Variants in WDFY4 observed in about 807,000 individuals in gnomAD.
WDFY4 encodes the protein WD repeat- and FYVE domain-containing protein 4.
In WDFY4, 169 loss-of-function variants were observed where a neutral mutation model predicts 351.9. That is an observed-to-expected ratio of 0.48 (90% confidence interval 0.42 to 0.55). The LOEUF is 0.55. Among genes scored for constraint, WDFY4 ranks in the 20% least tolerant of loss-of-function variants. The pLI is 0.00. For synonymous variants in WDFY4, 1,622 were observed against 1,574.6 expected (o/e 1.03, Z -0.71); for missense variants, 3,803 against 3,935.6 (o/e 0.97, Z 0.90).
At chr10:48,734,924 C>T (rs567720684) in intron 10 of WDFY4, among the ~76,000 whole-genome samples, 285 of 150,720 alleles carry the variant, frequency 1.9e-3, no homozygotes, top group African/African-American at 6.7e-3. Context: ...TACAGGCGCA[C>T]GCCGCCATGC....
chr10:48,832,556 T>C lies in WDFY4; in HGVS notation c.6527-17T>C. On this transcript the variant is annotated splice_polypyrimidine_tract_variant and intron_variant, in intron 38 of 61. Transcript: ENST00000325239. The stretch of plus-strand genomic sequence containing the variant: ...CTCTCACTTCACCTCTGACATTCTT[T>C]GCTTCCCTTCCCTCAGCATCTGAGA... 6.5e-7 allele frequency: 1 copy of C among 1,530,298 alleles called. No individual in the cohort carries two copies. The highest frequency in any genetic ancestry group is 2.0e-5 in the Admixed American group (1 of 49,140). 94.8% of individuals were successfully genotyped at this position (1,530,298 alleles called of 1,614,324 possible). A position where few individuals can be genotyped will look rare whatever the true frequency, so the allele number is the denominator to read the frequency against.
chr10:48,805,482 A>T, intron 26 of WDFY4, 61 bp downstream of exon 26: 1 of 1,516,436 alleles, frequency 6.6e-7, no homozygotes, highest in East Asian at 2.5e-5. Flanking sequence ...AAAAGGGAGG[A>T]CAGACCCCAG....
chr10:48,775,563 C>G (rs1453008393), intron 14 of WDFY4, 149 bp from the exon 15 acceptor site: 1 of 713,854 alleles, frequency 1.4e-6, no homozygotes, highest in Admixed American at 2.3e-5. Flanking sequence ...CAGAGACACC[C>G]TGTCTCCACA....
chr10:48,760,672 G>A (rs147048538), intron 13 of WDFY4, among the ~76,000 whole-genome samples: 24 of 152,300 alleles, frequency 1.6e-4, no homozygotes, highest in Non-Finnish European at 2.9e-4. Flanking sequence ...TGTTAACAAA[G>A]CTACCTTCTA....
chr10:48,747,786 C>A (rs1350541404), intron 12 of WDFY4, among the ~76,000 whole-genome samples: 1 of 152,038 alleles, frequency 6.6e-6, no homozygotes, highest in African/African-American at 2.4e-5. Flanking sequence ...ATAATTATTT[C>A]TTCTTGTGTT....
Position 48,736,244 on chromosome 10 carries a change from C to G in WDFY4, c.1878+174C>G, listed in dbSNP as rs756407867. On this transcript the variant is annotated intron_variant, in intron 11 of 61. Coordinates refer to ENST00000325239, the MANE Select transcript of WDFY4 (RefSeq NM_001394531.1). ...CAAATAAATCCCATATCCTCAGTAG[C>G]CTGGTACATTTGAAATTTCTTTGCA... 2.0e-5 allele frequency: 14 copies of G among 703,720 alleles called. No individual in the cohort carries two copies. In the South Asian group the frequency reaches 2.1e-4, roughly 10 times the overall value. The allele number at this position is 703,720 out of a possible 1,614,324, so 43.6% of individuals were successfully genotyped here.
At chr10:48,782,020 G>T (rs2132666396) in intron 19 of WDFY4, among the ~76,000 whole-genome samples, 1 of 152,304 alleles carries the variant, frequency 6.6e-6, no homozygotes, top group Non-Finnish European at 1.5e-5. Context: ...TTTTTAAAAG[G>T]GTTTAAAGAA....
chr10:48,950,573 C>T (rs1470577828), intron 51 of WDFY4, among the ~76,000 whole-genome samples: 1 of 152,150 alleles, frequency 6.6e-6, no homozygotes, highest in Non-Finnish European at 1.5e-5. Flanking sequence ...GGTCACATCC[C>T]TCAGGAAATG....
At chr10:48,902,020 C>G (rs1319122792) in intron 47 of WDFY4, among the ~76,000 whole-genome samples, 157 bp downstream of exon 47, 2 of 152,350 alleles carry the variant, frequency 1.3e-5, no homozygotes, top group East Asian at 3.9e-4. Context: ...TCATCCTACT[C>G]CTGAAATTCC....
intron 24 of WDFY4, among the ~76,000 whole-genome samples, chr10:48,801,085 C>T (rs546127781): frequency 9.0e-4 from 137 of 152,298 alleles, no homozygotes; most frequent in African/African-American, 3.2e-3. Flanking sequence ...GTACAGTCAT[C>T]TCAGGGGTGG....
chr10:48,940,525 G>T (rs537947363), intron 47 of WDFY4, among the ~76,000 whole-genome samples: 5 of 152,228 alleles, frequency 3.3e-5, no homozygotes, highest in Non-Finnish European at 7.3e-5. Context: ...CGGGCAGCCA[G>T]GCCTTGTCCA....
intron 47 of WDFY4, among the ~76,000 whole-genome samples, chr10:48,929,456 C>T (rs115578767): frequency 0.026 from 3,940 of 152,166 alleles, 94 homozygotes; most frequent in African/African-American, 0.053. Flanking sequence ...GGAAATAGCC[C>T]AGCATGGGAG....
chr10:48,744,718 T>C (rs1425629268), intron 12 of WDFY4, among the ~76,000 whole-genome samples: 2 of 152,226 alleles, frequency 1.3e-5, no homozygotes, highest in East Asian at 1.9e-4. Context: ...GAACCCGATG[T>C]TTTCTTGTGA....
intron 1 of WDFY4, among the ~76,000 whole-genome samples, chr10:48,708,243 G>C (rs768973198): frequency 6.6e-6 from 1 of 152,194 alleles, no homozygotes; most frequent in Non-Finnish European, 1.5e-5. Flanking sequence ...CTGGGGGAAG[G>C]CTGGGTTCTG....
intron 39 of WDFY4, among the ~76,000 whole-genome samples, chr10:48,865,682 A>G (rs1003644244): frequency 1.3e-5 from 2 of 152,192 alleles, no homozygotes; most frequent in South Asian, 2.1e-4. Flanking sequence ...CAGTGAAGCC[A>G]TCTGGGCCTG....
chr10:48,726,539 T>G (rs993531534), intron 6 of WDFY4, among the ~76,000 whole-genome samples: 1 of 152,176 alleles, frequency 6.6e-6, no homozygotes, highest in African/African-American at 2.4e-5. Flanking sequence ...ATTTATACAC[T>G]GGGAACTATG....
At chr10:48,898,834 G>A (rs77837241) in intron 45 of WDFY4, among the ~76,000 whole-genome samples, 4,724 of 152,176 alleles carry the variant, frequency 0.031, 273 homozygotes, top group African/African-American at 0.11. Flanking sequence ...ATGGTTCTGG[G>A]CAGTGCTGCT....
At position 48,806,111 on chromosome 10, in the gene WDFY4, C is replaced by T. The variant is rs1331124617; in HGVS notation, c.4738+16C>T. On this transcript the variant is annotated intron_variant, in intron 27 of 61. Transcript: ENST00000325239. Reference sequence around the variant, plus strand: ...TCCCTGCCTGGTGAGAAGACCTTTGCCAGTTCGAAGGCAGTAGGACGGCCC... The same window carrying T: ...TCCCTGCCTGGTGAGAAGACCTTTGTCAGTTCGAAGGCAGTAGGACGGCCC... 6.4e-7 allele frequency: 1 copy of T among 1,551,140 alleles called. No individual in the cohort carries two copies. The highest frequency in any genetic ancestry group is 8.7e-7 in the Non-Finnish European group (1 of 1,146,530).
chr10:48,775,613 A>C, intron 14 of WDFY4, 99 bp from the exon 15 acceptor site: 1 of 1,128,444 alleles, frequency 8.9e-7, no homozygotes, highest in African/African-American at 1.6e-5. Flanking sequence ...CTGGGAGGTC[A>C]GGGAGCTCCA....
Sources: allele counts gnomAD v4.1 joint callset (sites outside exome capture counted in the v4.1 genomes callset), GRCh38; gene constraint gnomAD v4.1.1; transcripts MANE v1.5; gene names NCBI Gene and HGNC (gene_info 2026-07-23, HGNC 2026-07-21).